Variants in PPP2R1A observed in about 807,000 individuals in gnomAD.
PPP2R1A encodes the protein protein phosphatase 2 scaffold subunit Aalpha, also known as serine/threonine-protein phosphatase 2A 65 kDa regulatory subunit A alpha isoform.
PPP2R1A carries 15 observed loss-of-function variants against 67.1 expected under a neutral mutation model. That is an observed-to-expected ratio of 0.22 (90% CI 0.15 to 0.34). PPP2R1A has a LOEUF of 0.34. Among genes scored for constraint, PPP2R1A ranks in the 10% least tolerant of loss-of-function variants. The probability of loss-of-function intolerance (pLI) is 1.00; values close to 1 mark genes in which losing one functional copy is unlikely to be tolerated. For missense variants in PPP2R1A, 369 were observed against 775.0 expected (o/e 0.48, Z 6.22); for synonymous variants, 337 against 325.0 (o/e 1.04, Z -0.40).
intron 1 of PPP2R1A, among the ~76,000 whole-genome samples, chr19:52,197,090 C>T (rs2089503435): frequency 6.6e-6 from 1 of 152,164 alleles, no homozygotes; most frequent in Non-Finnish European, 1.5e-5. Context: ...ATCTGCAATT[C>T]CCAGGCAGGT....
chr19:52,211,769 C>A lies in PPP2R1A; in HGVS notation c.503+277C>A. 2.0e-6 allele frequency: 1 copy of A among 509,464 alleles called. No homozygotes were observed. The highest frequency in any genetic ancestry group is 3.5e-6 in the Non-Finnish European group (1 of 287,738). The allele number at this position is 509,464 out of a possible 1,614,324, so 31.6% of individuals were successfully genotyped here. On this transcript the variant is annotated intron_variant, in intron 4 of 14. Coordinates refer to ENST00000322088, the MANE Select transcript of PPP2R1A (RefSeq NM_014225.6). This position sits in a 1 kb window ranked among gnomAD's most constrained non-coding sequence, Gnocchi z 5.3. ...TAATGTGAGGATTTAAAAGAATTAT[C>A]ACACATAAAGTGCTTAGAGCAAAAT...
intron 10 of PPP2R1A, 77 bp from the exon 11 acceptor site, chr19:52,220,112 C>A: frequency 6.7e-7 from 1 of 1,499,164 alleles, no homozygotes; most frequent in South Asian, 1.1e-5. Flanking sequence ...GGTGTAGGTT[C>A]CATGGGATGT....
At position 52,213,259 on chromosome 19, in the gene PPP2R1A, G is replaced by A. The variant is rs1016014279; in HGVS notation, c.807+149G>A. On this transcript the variant is annotated intron_variant, in intron 6 of 14. Transcript: ENST00000322088. The surrounding 1 kb of genome is among the most constrained non-coding windows in gnomAD (Gnocchi z 4.2). ...CTCTATGATCATCTAACTGCGTCTCGCTTCGTGTGCCAATCCTGGTTGATT... is the reference window on the plus strand; with the variant it reads ...CTCTATGATCATCTAACTGCGTCTCACTTCGTGTGCCAATCCTGGTTGATT... 3.9e-6 allele frequency: 4 copies of A among 1,038,700 alleles called. No individual in the cohort carries two copies. In the South Asian group the frequency reaches 6.4e-5, roughly 17 times the overall value. 64.3% of individuals were successfully genotyped at this position (1,038,700 alleles called of 1,614,324 possible). A position where few individuals can be genotyped will look rare whatever the true frequency, so the allele number is the denominator to read the frequency against.
intron 1 of PPP2R1A, among the ~76,000 whole-genome samples, chr19:52,197,377 G>C (rs1179108510): frequency 2.0e-5 from 3 of 151,850 alleles, no homozygotes; most frequent in African/African-American, 7.3e-5. Context: ...CCCTCTACAA[G>C]AGAAAAACCA....
Position 52,228,133 on chromosome 19 carries a change from A to G in PPP2R1A, c.*2152A>G, listed in dbSNP as rs1361651542. 6.6e-6 allele frequency: 1 copy of G among 151,906 alleles called. No individual in the cohort carries two copies. Among genetic ancestry groups the G allele is most frequent in the African/African-American group, 2.4e-5 (1 of 41,114 alleles). 9.4% of individuals were successfully genotyped at this position (151,906 alleles called of 1,614,324 possible). On this transcript the variant is annotated 3_prime_UTR_variant, in exon 15 of 15. Coordinates refer to ENST00000322088, the MANE Select transcript of PPP2R1A (RefSeq NM_014225.6). ...TCAGAGGTGGGGTCTACAATTGGAC[A>G]TGTGTATGTAGACAAGGCTCAGGGA...
Position 52,216,575 on chromosome 19 carries a change from C to T in PPP2R1A, c.1040C>T (p.Ser347Leu). The T allele has an allele frequency of 6.2e-7, 1 of 1,614,156 alleles. No individual in the cohort carries two copies. The highest frequency in any genetic ancestry group is 8.5e-7 in the Non-Finnish European group (1 of 1,180,038). ...ANQHVKSALA[S>L]VIMGLSPILG... ...CAACATGTCAAGTCTGCCCTGGCCTCAGTCATCATGGGTCTCTCTCCCATC... is the reference window on the plus strand; with the variant it reads ...CAACATGTCAAGTCTGCCCTGGCCTTAGTCATCATGGGTCTCTCTCCCATC... Residue 347 changes from serine (S) to leucine (L), a missense_variant, in exon 9 of 15, where the codon TCA becomes TTA. Physicochemically the swap from Ser to Leu is moderately radical, Grantham distance 145. Transcript: ENST00000322088. This position sits in a 1 kb window ranked among gnomAD's most constrained non-coding sequence, Gnocchi z 4.3.
rs1979409690 is a variant in PPP2R1A, at chr19:52,228,895, A to C, written c.*2914A>C. ...GTCACTTGTTGCCTTTGGCTAATGC[A>C]TAGGGGCACGAGTAGAGCTCTAGAA... On this transcript the variant is annotated 3_prime_UTR_variant, in exon 15 of 15. Coordinates refer to ENST00000322088, the MANE Select transcript of PPP2R1A (RefSeq NM_014225.6). 1 of 152,254 alleles carries C rather than the reference A, an allele frequency of 6.6e-6. No homozygotes were observed. Among genetic ancestry groups the C allele is most frequent in the Non-Finnish European group, 1.5e-5 (1 of 68,098 alleles). 9.4% of individuals were successfully genotyped at this position (152,254 alleles called of 1,614,324 possible).
chr19:52,209,590 A>G (rs2089644117), intron 3 of PPP2R1A, among the ~76,000 whole-genome samples: 1 of 152,020 alleles, frequency 6.6e-6, no homozygotes, highest in Admixed American at 6.6e-5. Context: ...GTTTATTCAC[A>G]TTGTGCAGCC....
At chr19:52,205,545 T>C (rs1298594419) in intron 2 of PPP2R1A, among the ~76,000 whole-genome samples, 2 of 152,118 alleles carry the variant, frequency 1.3e-5, no homozygotes, top group Admixed American at 6.5e-5. Context: ...AAAATAAATT[T>C]CTGGCAGAGG....
At chr19:52,199,234 T>C (rs919617930) in intron 1 of PPP2R1A, among the ~76,000 whole-genome samples, 2 of 152,042 alleles carry the variant, frequency 1.3e-5, no homozygotes, top group Admixed American at 6.5e-5. Context: ...TGGCACCATC[T>C]CGGCTCACTG....
intron 14 of PPP2R1A, 30 bp downstream of exon 14, chr19:52,225,838 A>C: frequency 6.2e-7 from 1 of 1,612,246 alleles, no homozygotes. Flanking sequence ...GAGCCCTAGC[A>C]GGAGGGTGGA....
At position 52,219,912 on chromosome 19, in the gene PPP2R1A, G is replaced by T. The variant is rs1307234028; in HGVS notation, c.1302+48G>T. ...CAGGCAGTGCTGCCTCAGGGGAGGTGCAGTATGTCCAGGGCTGTGATGGGG... is the reference window on the plus strand; with the variant it reads ...CAGGCAGTGCTGCCTCAGGGGAGGTTCAGTATGTCCAGGGCTGTGATGGGG... On this transcript the variant is annotated intron_variant, in intron 10 of 14. Coordinates refer to ENST00000322088, the MANE Select transcript of PPP2R1A (RefSeq NM_014225.6). The surrounding 1 kb of genome is among the most constrained non-coding windows in gnomAD (Gnocchi z 4.0). 5.1e-6 allele frequency: 8 copies of T among 1,572,960 alleles called. No homozygotes were observed. In the East Asian group the frequency reaches 1.6e-4, roughly 31 times the overall value.
chr19:52,208,227 G>A (rs1472408209), intron 3 of PPP2R1A, among the ~76,000 whole-genome samples: 3 of 152,178 alleles, frequency 2.0e-5, no homozygotes, highest in Non-Finnish European at 4.4e-5. Flanking sequence ...GGAGTGCAGT[G>A]GCGGGATCTC....
At chr19:52,194,708 C>G (rs113477360) in intron 1 of PPP2R1A, among the ~76,000 whole-genome samples, 2 of 152,048 alleles carry the variant, frequency 1.3e-5, no homozygotes, top group African/African-American at 2.4e-5. Context: ...CTCTGTGTGC[C>G]CCTGGAGCAG....
Position 52,212,027 on chromosome 19 carries a change from T to C in PPP2R1A, c.503+535T>C, listed in dbSNP as rs1049825135. ...CCCCACCGCCTTTGATCGAAGCAAT[T>C]GCTGCTGAAAAATAAAGCCTTTCTG... On this transcript the variant is annotated intron_variant, in intron 4 of 14. Coordinates refer to ENST00000322088, the MANE Select transcript of PPP2R1A (RefSeq NM_014225.6). This position sits in a 1 kb window ranked among gnomAD's most constrained non-coding sequence, Gnocchi z 4.1. Among the ~76,000 whole-genome samples the C allele has an allele frequency of 6.6e-6, 1 of 152,238 alleles. No individual in the cohort carries two copies. Among genetic ancestry groups the C allele is most frequent in the Non-Finnish European group, 1.5e-5 (1 of 68,042 alleles).
At chr19:52,210,253 G>A (rs904022860) in intron 3 of PPP2R1A, among the ~76,000 whole-genome samples, 1 of 152,064 alleles carries the variant, frequency 6.6e-6, no homozygotes, top group Non-Finnish European at 1.5e-5. Flanking sequence ...CTGGGCTCTG[G>A]GGATACAGTG....
At chr19:52,199,528 A>G (rs1229079771) in intron 1 of PPP2R1A, among the ~76,000 whole-genome samples, 1 of 152,186 alleles carries the variant, frequency 6.6e-6, no homozygotes, top group Non-Finnish European at 1.5e-5. Flanking sequence ...AGACTAACAC[A>G]AGGGTCAGCA....
intron 13 of PPP2R1A, among the ~76,000 whole-genome samples, chr19:52,224,897 T>A (rs1195161033): frequency 6.6e-6 from 1 of 151,976 alleles, no homozygotes; most frequent in African/African-American, 2.4e-5. Flanking sequence ...ATGGGGGTTT[T>A]CCCATGTTGT....
In PPP2R1A at chr19:52,213,457, G is replaced by GGT. The variant is rs1225115629; in HGVS notation, c.807+347_807+348insGT. Among the ~76,000 whole-genome samples, 5 of 71,740 alleles carry GGT rather than the reference G, an allele frequency of 7.0e-5. No homozygotes were observed. The highest frequency in any genetic ancestry group is 2.2e-4 in the African/African-American group (4 of 18,348). The allele number at this position is 71,740 out of a possible 152,430, so 47.1% of individuals were successfully genotyped here. On this transcript the variant is annotated intron_variant, in intron 6 of 14. Transcript: ENST00000322088. The surrounding 1 kb of genome is among the most constrained non-coding windows in gnomAD (Gnocchi z 4.2). Reference sequence around the variant, plus strand: ...GCCCAAAAAGGTGGGGTTTTTTGGTGTTTTTTTTTTTTTTTTTTTTTTTTT... The same window carrying GGT: ...GCCCAAAAAGGTGGGGTTTTTTGGTGGTTTTTTTTTTTTTTTTTTTTTTTTTT...
Sources: allele counts gnomAD v4.1 joint callset (sites outside exome capture counted in the v4.1 genomes callset), GRCh38; gene constraint gnomAD v4.1.1; non-coding constraint Gnocchi (gnomAD v3.1); transcripts MANE v1.5; gene names NCBI Gene and HGNC (gene_info 2026-07-23, HGNC 2026-07-21).